ZNF138: variants seen among roughly 807,000 people sequenced by gnomAD.
ZNF138 encodes the protein zinc finger protein 138, also known as zinc finger protein 138 (clone pHZ-32).
Under a neutral mutation model 33.0 loss-of-function variants are expected in ZNF138, and 33 were observed. The ratio of observed to expected loss-of-function variants is 1.00; its 90% CI spans 0.76 to 1.34. The LOEUF (loss-of-function observed/expected upper bound fraction) is 1.34. Among genes scored for constraint, ZNF138 ranks in the 40% most tolerant of loss-of-function variants. The pLI is 0.00. For missense variants in ZNF138, 360 were observed against 370.8 expected (o/e 0.97, Z 0.24); for synonymous variants, 139 against 120.4 (o/e 1.15, Z -1.01).
chr7:64,851,632 A>G, the ZNF138 span, among the ~76,000 whole-genome samples: 1 of 152,212 alleles, frequency 6.6e-6, no homozygotes, highest in African/African-American at 2.4e-5. Context: ...AGTATTATAC[A>G]TGAACCTCCA....
intron 1 of ZNF138, among the ~76,000 whole-genome samples, chr7:64,804,176 A>C (rs1450939445): frequency 6.6e-6 from 1 of 152,218 alleles, no homozygotes; most frequent in Non-Finnish European, 1.5e-5. Flanking sequence ...ACAGGCAGAC[A>C]GCCCGGCGCC....
chr7:64,818,491 C>G (rs1292953621), intron 3 of ZNF138, among the ~76,000 whole-genome samples: 1 of 152,030 alleles, frequency 6.6e-6, no homozygotes, highest in African/African-American at 2.4e-5. Context: ...GTGGCTCACG[C>G]CTGTAATCCC....
chr7:64,855,147 G>A, the ZNF138 span, among the ~76,000 whole-genome samples: 62 of 152,198 alleles, frequency 4.1e-4, no homozygotes, highest in South Asian at 0.012. Flanking sequence ...CCTCCACCCA[G>A]CACCTTCATT....
chr7:64,850,049 G>T, the ZNF138 span, among the ~76,000 whole-genome samples: 1 of 152,128 alleles, frequency 6.6e-6, no homozygotes, highest in East Asian at 1.9e-4. Context: ...AGTTCCCCTG[G>T]CAGCCCTCCC....
chr7:64,812,026 T>C (rs1404057620), intron 1 of ZNF138, among the ~76,000 whole-genome samples: 4 of 152,232 alleles, frequency 2.6e-5, no homozygotes, highest in African/African-American at 7.2e-5. Flanking sequence ...TTTTTACTTA[T>C]ACCCTTTCCA....
rs1786580385 is a variant in ZNF138 at position 64,795,102 on chromosome 7, A to G, written c.3+531A>G. ...GTGTATGATAAAACCAAATTCAGTA[A>G]TTGGTTAGTAGAGTTATGTAGTTTC... On this transcript the variant is annotated intron_variant, in intron 1 of 3. Coordinates refer to ENST00000307355, the MANE Select transcript of ZNF138 (RefSeq NM_001271639.2). Among the ~76,000 whole-genome samples the G allele has an allele frequency of 2.0e-5, 3 of 152,210 alleles. 1 individual carries two copies. The highest frequency in any genetic ancestry group is 4.1e-4 in the South Asian group (2 of 4,830).
At chr7:64,847,315 C>CATATATATAT in the ZNF138 span, among the ~76,000 whole-genome samples, 209 of 104,152 alleles carry the variant, frequency 2.0e-3, no homozygotes, top group South Asian at 8.2e-3. Flanking sequence ...TCTTCTAATA[C>CATATATATAT]ATATATATAT....
intron 1 of ZNF138, among the ~76,000 whole-genome samples, chr7:64,798,794 A>AAT (rs201513369): frequency 4.6e-5 from 7 of 150,918 alleles, no homozygotes; most frequent in African/African-American, 1.7e-4. Context: ...AAAAAAAAAA[A>AAT]GGAAATTCTT....
intron 3 of ZNF138, among the ~76,000 whole-genome samples, chr7:64,826,907 C>T (rs1441494386): frequency 6.6e-6 from 1 of 152,140 alleles, no homozygotes; most frequent in African/African-American, 2.4e-5. Flanking sequence ...GCCTCGGCCT[C>T]CCAAAGTGCT....
intron 2 of ZNF138, 104 bp from the exon 3 acceptor site, chr7:64,815,472 A>C (rs1410210379): frequency 7.7e-6 from 7 of 905,472 alleles, no homozygotes; most frequent in Non-Finnish European, 1.2e-5. Context: ...ATATTCTATT[A>C]CATTCTCTTT....
At chr7:64,824,751 T>C (rs936199785) in intron 3 of ZNF138, among the ~76,000 whole-genome samples, 1 of 152,328 alleles carries the variant, frequency 6.6e-6, no homozygotes, top group Non-Finnish European at 1.5e-5. Flanking sequence ...ACTTAAAGCA[T>C]ATTATGTTTA....
chr7:64,834,448 T>C (rs1790305053), downstream of ZNF138, among the ~76,000 whole-genome samples: 2 of 152,214 alleles, frequency 1.3e-5, no homozygotes, highest in African/African-American at 4.8e-5. Context: ...TATTTGTACA[T>C]AACTTTAAAA....
At chr7:64,853,122 G>A in the ZNF138 span, 8 of 1,436,662 alleles carry the variant, frequency 5.6e-6, no homozygotes, top group Non-Finnish European at 7.9e-6. Flanking sequence ...ACCAAGGAAA[G>A]CCCACCGTGT....
chr7:64,801,516 T>C (rs1251025092), intron 1 of ZNF138, among the ~76,000 whole-genome samples: 1 of 152,164 alleles, frequency 6.6e-6, no homozygotes, highest in Non-Finnish European at 1.5e-5. Context: ...CAATCTGTGG[T>C]CTGAGTATGT....
In ZNF138 at chr7:64,828,183, T is replaced by TTG. The variant is rs1789801586; in HGVS notation, c.209-3267_209-3266insGT. ...AATTTAAAAACTATCATAATTCTGG[T>TTG]TTTTTTTTAGGTATTGTTTATTTTT... On this transcript the variant is annotated intron_variant, in intron 3 of 3. Coordinates refer to ENST00000307355, the MANE Select transcript of ZNF138 (RefSeq NM_001271639.2). Among the ~76,000 whole-genome samples the TTG allele has an allele frequency of 0.01, 3 of 288 alleles. No homozygotes were observed. In the South Asian group the frequency reaches 0.25, roughly 24 times the overall value. The allele number at this position is 288 out of a possible 152,430, so 0.2% of individuals were successfully genotyped here.
chr7:64,849,752 C>A, the ZNF138 span, among the ~76,000 whole-genome samples: 1 of 152,018 alleles, frequency 6.6e-6, no homozygotes, highest in Non-Finnish European at 1.5e-5. Context: ...TTACATGACT[C>A]ACCCATCTCT....
rs1010163306 is a variant in ZNF138 at position 64,828,984 on chromosome 7, TG to T, written c.209-2466del. Among the ~76,000 whole-genome samples the T allele has an allele frequency of 9.6e-4, 146 of 152,242 alleles. 1 individual carries two copies. The highest frequency in any genetic ancestry group is 2.9e-3 in the African/African-American group (120 of 41,564). ...TTGAACAGGAGTATGCTGAAGAGTG[TG>T]TTGTTTACTATCTATATATTTGTGA... On this transcript the variant is annotated intron_variant, in intron 3 of 3. Coordinates refer to ENST00000307355, the MANE Select transcript of ZNF138 (RefSeq NM_001271639.2).
At chr7:64,810,680 C>G (rs1253039081) in intron 1 of ZNF138, among the ~76,000 whole-genome samples, 1 of 152,038 alleles carries the variant, frequency 6.6e-6, no homozygotes, top group Non-Finnish European at 1.5e-5. Context: ...ATAGGAAATA[C>G]CCCAGTGGCA....
intron 3 of ZNF138, among the ~76,000 whole-genome samples, chr7:64,819,381 T>A (rs1788929559): frequency 6.6e-6 from 1 of 151,868 alleles, no homozygotes; most frequent in African/African-American, 2.4e-5. Flanking sequence ...TTTTTTCCAT[T>A]TTTGGAGATT....
Sources: allele counts gnomAD v4.1 joint callset (sites outside exome capture counted in the v4.1 genomes callset), GRCh38; gene constraint gnomAD v4.1.1; transcripts MANE v1.5; gene names NCBI Gene and HGNC (gene_info 2026-07-23, HGNC 2026-07-21).